RYR3: variants seen among roughly 807,000 people sequenced by gnomAD.
The protein encoded by RYR3 is ryanodine receptor 3.
In RYR3, 207 loss-of-function variants were observed where a neutral mutation model predicts 584.3. That is an observed-to-expected ratio of 0.35 (90% CI 0.32 to 0.40). The LOEUF (loss-of-function observed/expected upper bound fraction) is 0.40, where lower values mean the gene tolerates loss of function less well. Ranked by LOEUF, RYR3 falls within the 10% of genes least tolerant of loss-of-function variation. RYR3 has a pLI of 1.00. For missense variants in RYR3, 5,616 were observed against 6,089.2 expected (o/e 0.92, Z 2.59); for synonymous variants, 2,416 against 2,248.5 (o/e 1.07, Z -2.11).
Position 33,855,169 on chromosome 15 carries a change from G to A in RYR3, c.14007+257G>A, listed in dbSNP as rs116125012. 9.4e-3 allele frequency among the ~76,000 whole-genome samples: 1,435 copies of A among 152,134 alleles called. 30 individuals are homozygous for A. Among genetic ancestry groups the A allele is most frequent in the African/African-American group, 0.032 (1,315 of 41,504 alleles). Reference sequence around the variant, plus strand: ...CATTTAGATCAACCAGGAGAGGGAGGGAGGTGATGGACATGTCAGAATGAC... The same window carrying A: ...CATTTAGATCAACCAGGAGAGGGAGAGAGGTGATGGACATGTCAGAATGAC... On this transcript the variant is annotated intron_variant, in intron 98 of 103. Transcript: ENST00000634891.
intron 47 of RYR3, among the ~76,000 whole-genome samples, chr15:33,731,178 C>G (rs919394413): frequency 1.3e-5 from 2 of 151,680 alleles, no homozygotes; most frequent in African/African-American, 4.8e-5. Context: ...GTTCAAAATT[C>G]TTTTGAAGGG....
At chr15:33,691,558 TTTC>T (rs1847065245) in intron 38 of RYR3, among the ~76,000 whole-genome samples, 2 of 152,172 alleles carry the variant, frequency 1.3e-5, no homozygotes, top group African/African-American at 4.8e-5. Context: ...TTAACCATAG[TTTC>T]TTATTCTTTA....
intron 9 of RYR3, among the ~76,000 whole-genome samples, chr15:33,549,347 G>A (rs989516377): frequency 3.9e-5 from 6 of 152,160 alleles, no homozygotes; most frequent in East Asian, 1.9e-4. Flanking sequence ...TTATCAATGC[G>A]ATTTGGATTT....
intron 19 of RYR3, among the ~76,000 whole-genome samples, chr15:33,623,051 A>G (rs1391798770): frequency 6.6e-6 from 1 of 152,122 alleles, no homozygotes; most frequent in Non-Finnish European, 1.5e-5. Flanking sequence ...GTCCTTCCCC[A>G]CTTCGTTGGG....
chr15:33,663,335 C>T (rs1053353719), intron 35 of RYR3, among the ~76,000 whole-genome samples: 1 of 152,170 alleles, frequency 6.6e-6, no homozygotes, highest in African/African-American at 2.4e-5. Flanking sequence ...TCTCTCTCTC[C>T]ATAGGCAGAT....
intron 1 of RYR3, among the ~76,000 whole-genome samples, chr15:33,398,734 G>A (rs1437049003): frequency 2.0e-5 from 3 of 152,168 alleles, no homozygotes; most frequent in Non-Finnish European, 4.4e-5. Flanking sequence ...AGGTGGGAAG[G>A]GACCAGGAGG....
At chr15:33,687,714 T>G (rs766313481) in intron 38 of RYR3, among the ~76,000 whole-genome samples, 5 of 152,024 alleles carry the variant, frequency 3.3e-5, no homozygotes, top group African/African-American at 1.2e-4. Flanking sequence ...CCAAAACAGA[T>G]ATATAGACCA....
chr15:33,466,844 G>T (rs560353549), intron 1 of RYR3, among the ~76,000 whole-genome samples: 4 of 152,146 alleles, frequency 2.6e-5, no homozygotes, highest in Admixed American at 6.5e-5. Flanking sequence ...TCAGTTCCAG[G>T]TAGTATTTTA....
chr15:33,440,692 A>C (rs2046146190), intron 1 of RYR3, among the ~76,000 whole-genome samples: 1 of 152,236 alleles, frequency 6.6e-6, no homozygotes, highest in Non-Finnish European at 1.5e-5. Context: ...TTCCTTATTC[A>C]AAATTCCACA....
intron 23 of RYR3, among the ~76,000 whole-genome samples, chr15:33,631,671 G>C (rs1282602120): frequency 2.6e-5 from 4 of 152,172 alleles, no homozygotes; most frequent in Non-Finnish European, 4.4e-5. Flanking sequence ...TTTGTGGAAG[G>C]GGTATCTCTG....
At chr15:33,348,470 AT>A (rs1411777608) in intron 1 of RYR3, among the ~76,000 whole-genome samples, 2 of 151,758 alleles carry the variant, frequency 1.3e-5, no homozygotes, top group South Asian at 2.1e-4. Flanking sequence ...AAGTGATTTT[AT>A]TTTATTTATT....
At chr15:33,499,700 A>G (rs1186076709) in intron 2 of RYR3, among the ~76,000 whole-genome samples, 1 of 152,218 alleles carries the variant, frequency 6.6e-6, no homozygotes, top group Non-Finnish European at 1.5e-5. Flanking sequence ...TCCATTATAC[A>G]GATAAGGAAA....
intron 2 of RYR3, among the ~76,000 whole-genome samples, chr15:33,502,823 C>T (rs946693557): frequency 1.3e-5 from 2 of 152,146 alleles, no homozygotes; most frequent in African/African-American, 4.8e-5. Flanking sequence ...ACTCACTGTG[C>T]CTTCGTTTCC....
Position 33,805,747 on chromosome 15 carries a change from G to C in RYR3, c.10012-1808G>C, listed in dbSNP as rs527725836. ...CCGCCTCGGCCTCCCAAAGTGCTGG[G>C]ATTACAGGCTTGAGCCACCACACCC... is the stretch of plus-strand genomic sequence containing the variant. On this transcript the variant is annotated intron_variant, in intron 69 of 103. Coordinates refer to ENST00000634891, the MANE Select transcript of RYR3 (RefSeq NM_001036.6). Among the ~76,000 whole-genome samples the C allele has an allele frequency of 4.6e-5, 7 of 152,168 alleles. No homozygotes were observed. The South Asian group carries it at 1.5e-3, about 32-fold the overall frequency.
At chr15:33,333,064 ACC>A (rs1491500871) in intron 1 of RYR3, among the ~76,000 whole-genome samples, 1 of 119,136 alleles carries the variant, frequency 8.4e-6, no homozygotes, top group Non-Finnish European at 1.8e-5. Flanking sequence ...TAGCCTACCA[ACC>A]AAAAAAAAAA....
chr15:33,758,928 C>T (rs1214862102), intron 60 of RYR3, among the ~76,000 whole-genome samples: 1 of 152,200 alleles, frequency 6.6e-6, no homozygotes, highest in East Asian at 1.9e-4. Context: ...CCCTCTGAGA[C>T]AAAGCTTCCA....
At chr15:33,464,503 T>TATATATATATATATATATATATATAC (rs1180164194) in intron 1 of RYR3, among the ~76,000 whole-genome samples, 1 of 105,942 alleles carries the variant, frequency 9.4e-6, no homozygotes. Flanking sequence ...CATATATATA[T>TATATATATATATATATATATATATAC]ACATACACAT....
chr15:33,546,784 C>T (rs1284177672), intron 8 of RYR3, among the ~76,000 whole-genome samples: 1 of 152,082 alleles, frequency 6.6e-6, no homozygotes, highest in Non-Finnish European at 1.5e-5. Flanking sequence ...TGAATCGACT[C>T]ATAATTATAC....
chr15:33,450,649 TC>T (rs1265626005), intron 1 of RYR3, among the ~76,000 whole-genome samples: 2 of 152,050 alleles, frequency 1.3e-5, no homozygotes, highest in African/African-American at 4.8e-5. Context: ...TACGTATGTA[TC>T]TTTTATTTAC....
Sources: gnomAD v4.1 joint callset for allele counts (sites outside exome capture counted in the v4.1 genomes callset) on GRCh38, gnomAD v4.1.1 for gene constraint, MANE v1.5 for transcripts, NCBI Gene and HGNC (gene_info 2026-07-23, HGNC 2026-07-21) for gene names.